KIF6: variants seen among roughly 807,000 people sequenced by gnomAD.
KIF6 encodes kinesin family member 6.
In KIF6, 106 loss-of-function variants were observed where a neutral mutation model predicts 112.7. The ratio of observed to expected loss-of-function variants is 0.94; its 90% confidence interval spans 0.80 to 1.11. The LOEUF (loss-of-function observed/expected upper bound fraction) is 1.11. Ranked by LOEUF, KIF6 falls within the 50% of genes least tolerant of loss-of-function variation. The probability of loss-of-function intolerance (pLI) is 0.00; values close to 1 mark genes in which losing one functional copy is unlikely to be tolerated. For synonymous variants in KIF6, 339 were observed against 339.9 expected, an observed-to-expected ratio of 1.00 and a Z score of 0.03; for missense variants, 929 against 964.0, an observed-to-expected ratio of 0.96 and a Z score of 0.48.
At chr6:39,576,819 G>A (rs962903348) in intron 10 of KIF6, among the ~76,000 whole-genome samples, 6 of 152,122 alleles carry the variant, frequency 3.9e-5, no homozygotes, top group Non-Finnish European at 7.4e-5. Context: ...CTGTCTCCTG[G>A]CAGTCAATTT....
intron 13 of KIF6, among the ~76,000 whole-genome samples, chr6:39,464,931 T>C (rs568438490): frequency 7.2e-5 from 11 of 152,350 alleles, no homozygotes; most frequent in African/African-American, 2.6e-4. Context: ...AAAGAAAGCC[T>C]ATACAAAAGA....
chr6:39,566,849 A>G (rs576758205), intron 10 of KIF6, among the ~76,000 whole-genome samples: 2 of 152,318 alleles, frequency 1.3e-5, no homozygotes, highest in South Asian at 4.1e-4. Flanking sequence ...TAAATGAAAC[A>G]TTGTTTTTCT....
intron 5 of KIF6, among the ~76,000 whole-genome samples, chr6:39,629,641 T>C (rs112941916): frequency 6.6e-6 from 1 of 152,112 alleles, no homozygotes; most frequent in Non-Finnish European, 1.5e-5. Context: ...GTGACTTGCC[T>C]TTTCATTTTC....
chr6:39,558,820 T>A (rs911092678), intron 10 of KIF6, among the ~76,000 whole-genome samples: 3 of 152,188 alleles, frequency 2.0e-5, no homozygotes, highest in African/African-American at 7.2e-5. Context: ...TGCTTTTGCT[T>A]TTCATTCATT....
intron 10 of KIF6, among the ~76,000 whole-genome samples, chr6:39,564,161 A>G (rs1780160962): frequency 6.6e-6 from 1 of 152,260 alleles, no homozygotes; most frequent in Non-Finnish European, 1.5e-5. Flanking sequence ...GCAGCTGAGA[A>G]GCTCTAATAG....
chr6:39,337,311 CTTTT>C (rs1763087397), intron 22 of KIF6, among the ~76,000 whole-genome samples: 1 of 137,408 alleles, frequency 7.3e-6, no homozygotes, highest in African/African-American at 2.7e-5. Flanking sequence ...TTCCTTCTTT[CTTTT>C]TCTTTCTTTT....
chr6:39,709,354 A>G (rs1223512893), intron 3 of KIF6, among the ~76,000 whole-genome samples: 1 of 152,204 alleles, frequency 6.6e-6, no homozygotes, highest in East Asian at 1.9e-4. Context: ...GGCATTAGTT[A>G]GATTCTCATA....
chr6:39,588,857 A>C (rs2150668534), intron 7 of KIF6, among the ~76,000 whole-genome samples: 1 of 152,304 alleles, frequency 6.6e-6, no homozygotes, highest in South Asian at 2.1e-4. Context: ...ACTCCAGTTC[A>C]AACCTCTGGG....
At chr6:39,402,356 T>G (rs1450535985) in intron 15 of KIF6, among the ~76,000 whole-genome samples, 1 of 152,162 alleles carries the variant, frequency 6.6e-6, no homozygotes, top group African/African-American at 2.4e-5. Flanking sequence ...ATGGGCCTGT[T>G]TACTCACTCC....
chr6:39,445,080 A>C (rs1379680750), intron 13 of KIF6, among the ~76,000 whole-genome samples: 2 of 152,174 alleles, frequency 1.3e-5, no homozygotes, highest in African/African-American at 4.8e-5. Flanking sequence ...TTGGTTAGAG[A>C]ACTCTGTTAG....
At chr6:39,427,576 T>C (rs1770863078) in intron 14 of KIF6, among the ~76,000 whole-genome samples, 1 of 152,202 alleles carries the variant, frequency 6.6e-6, no homozygotes, top group Non-Finnish European at 1.5e-5. Flanking sequence ...TAGTCAGATA[T>C]AGAAATTTTT....
chr6:39,360,343 G>A (rs1464449952), intron 18 of KIF6, 52 bp downstream of exon 18: 2 of 1,606,150 alleles, frequency 1.2e-6, no homozygotes, highest in Non-Finnish European at 1.7e-6. Flanking sequence ...AGCCCCAGTG[G>A]GGCTGCATGA....
At chr6:39,360,643 G>A in intron 17 of KIF6, 113 bp from the exon 18 acceptor site, 2 of 1,239,792 alleles carry the variant, frequency 1.6e-6, no homozygotes, top group Non-Finnish European at 1.1e-6. Flanking sequence ...AGCTGCCCTG[G>A]TGCTCAGGGA....
chr6:39,429,955 G>T (rs1285672191), intron 14 of KIF6, among the ~76,000 whole-genome samples: 1 of 152,022 alleles, frequency 6.6e-6, no homozygotes, highest in African/African-American at 2.4e-5. Flanking sequence ...TGAAGGCAAT[G>T]ACATTTCTTC....
At chr6:39,634,384 G>A (rs534060695) in intron 5 of KIF6, among the ~76,000 whole-genome samples, 33 of 152,222 alleles carry the variant, frequency 2.2e-4, no homozygotes, top group Non-Finnish European at 4.0e-4. Context: ...GATTGCCAAA[G>A]TTAGCATTAA....
chr6:39,605,417 C>T (rs932988432), intron 6 of KIF6, among the ~76,000 whole-genome samples: 5 of 151,966 alleles, frequency 3.3e-5, no homozygotes, highest in Non-Finnish European at 7.4e-5. Context: ...AAAGAACTAA[C>T]AATCCTAAGA....
At chr6:39,340,568 G>T (rs983904888) in intron 22 of KIF6, among the ~76,000 whole-genome samples, 1 of 152,146 alleles carries the variant, frequency 6.6e-6, no homozygotes, top group Non-Finnish European at 1.5e-5. Flanking sequence ...TGTCCACAGG[G>T]GATCATAATC....
chr6:39,552,206 A>G (rs1052365605), intron 10 of KIF6, among the ~76,000 whole-genome samples: 7 of 152,212 alleles, frequency 4.6e-5, no homozygotes, highest in Admixed American at 3.9e-4. Context: ...ACATCCCTTG[A>G]TAGTCAACCA....
At chr6:39,390,048 A>AAAAAAAAAAAAG (rs1258761315) in intron 15 of KIF6, among the ~76,000 whole-genome samples, 2,205 of 136,700 alleles carry the variant, frequency 0.016, 63 homozygotes, top group African/African-American at 0.02. Flanking sequence ...AAAAAAAAAA[A>AAAAAAAAAAAAG]AAAAGGAAAT....
Sources: gnomAD v4.1 joint callset for allele counts (sites outside exome capture counted in the v4.1 genomes callset) on GRCh38, gnomAD v4.1.1 for gene constraint, MANE v1.5 for transcripts, NCBI Gene and HGNC (gene_info 2026-07-23, HGNC 2026-07-21) for gene names.